The following PRKG1 variants were observed in gnomAD, a reference collection of about 807,000 sequenced individuals.
PRKG1 encodes the protein protein kinase cGMP-dependent 1, also known as cGMP-dependent protein kinase 1.
PRKG1 carries 35 observed loss-of-function variants against 88.1 expected under a neutral mutation model. The observed-to-expected ratio is 0.40, with a 90% CI of 0.30 to 0.53. The LOEUF is 0.53. Among genes scored for constraint, PRKG1 ranks in the 20% least tolerant of loss-of-function variants. The pLI is 0.59. For synonymous variants in PRKG1, 303 were observed against 292.5 expected (o/e 1.04, Z -0.37); for missense variants, 540 against 839.8 (o/e 0.64, Z 4.41).
intron 3 of PRKG1, among the ~76,000 whole-genome samples, chr10:51,471,671 G>A (rs905002829): frequency 6.6e-6 from 1 of 151,882 alleles, no homozygotes; most frequent in Non-Finnish European, 1.5e-5. Flanking sequence ...AGTGACACAT[G>A]TTGAACTCAG....
At chr10:51,763,118 T>C (rs1589266677) in intron 3 of PRKG1, among the ~76,000 whole-genome samples, 1 of 152,340 alleles carries the variant, frequency 6.6e-6, no homozygotes, top group East Asian at 1.9e-4. Flanking sequence ...TGTAAGTCAA[T>C]CAAAATTGAC....
intron 2 of PRKG1, among the ~76,000 whole-genome samples, chr10:51,174,357 T>G (rs887346661): frequency 4.6e-5 from 7 of 151,750 alleles, no homozygotes; most frequent in South Asian, 4.1e-4. Flanking sequence ...GTAAACATTT[T>G]ATAAATAAAT....
intron 2 of PRKG1, among the ~76,000 whole-genome samples, chr10:51,292,681 A>G (rs1840614477): frequency 6.6e-6 from 1 of 152,132 alleles, no homozygotes; most frequent in Non-Finnish European, 1.5e-5. Context: ...GCAAACACAT[A>G]TAGACATTTT....
In PRKG1 at chr10:51,058,236, C is replaced by T. The variant is rs184530973; in HGVS notation, c.266+66592C>T. ...AGTTTTAGGAATTCAAGATAGCATC[C>T]GACTTAACCTTTTTGCTAATTAAAT... On this transcript the variant is annotated intron_variant, in intron 1 of 17. Transcript: ENST00000401604. 1.6e-3 allele frequency among the ~76,000 whole-genome samples: 246 copies of T among 152,060 alleles called. 1 individual carries two copies. The highest frequency in any genetic ancestry group is 6.8e-3 in the Middle Eastern group (2 of 294).
chr10:51,114,947 T>G lies in PRKG1; in HGVS notation c.312-38217T>G, dbSNP rs78947597. ...CTAAAACTTATTTGAATATTTGTTTTGGCTTATCCAATGAGTATTTATGTG... is the reference window on the plus strand; with the variant it reads ...CTAAAACTTATTTGAATATTTGTTTGGGCTTATCCAATGAGTATTTATGTG... On this transcript the variant is annotated intron_variant, in intron 1 of 17. Coordinates refer to ENST00000373980, the MANE Select transcript of PRKG1 (RefSeq NM_006258.4). 1.1e-3 allele frequency among the ~76,000 whole-genome samples: 170 copies of G among 152,316 alleles called. 1 individual carries two copies. The highest frequency in any genetic ancestry group is 4.0e-3 in the African/African-American group (166 of 41,574).
At position 52,042,082 on chromosome 10, in the gene PRKG1, A is replaced by G. The variant is rs539265658; in HGVS notation, c.763-12402A>G. Among the ~76,000 whole-genome samples, 15 of 152,286 alleles carry G rather than the reference A, an allele frequency of 9.8e-5. No individual in the cohort carries two copies. The South Asian group carries it at 3.1e-3, about 32-fold the overall frequency. On this transcript the variant is annotated intron_variant, in intron 5 of 17. Coordinates refer to ENST00000373980, the MANE Select transcript of PRKG1 (RefSeq NM_006258.4). ...AAAGAGAACAGAAGTAAACAGAAGGATATTCTGTGTTCATGGATTAGAAAA... is the reference window on the plus strand; with the variant it reads ...AAAGAGAACAGAAGTAAACAGAAGGGTATTCTGTGTTCATGGATTAGAAAA...
At chr10:51,096,620 T>C (rs889503387) in intron 1 of PRKG1, among the ~76,000 whole-genome samples, 1 of 152,160 alleles carries the variant, frequency 6.6e-6, no homozygotes, top group African/African-American at 2.4e-5. Context: ...GGCCTGCCAA[T>C]TTAATGCTGT....
At chr10:51,248,329 G>T (rs1839344885) in intron 2 of PRKG1, among the ~76,000 whole-genome samples, 1 of 151,778 alleles carries the variant, frequency 6.6e-6, no homozygotes, top group African/African-American at 2.4e-5. Context: ...TCTAGGTCTT[G>T]TTTCAAGTGC....
At chr10:52,129,756 A>T (rs1205364037) in intron 7 of PRKG1, among the ~76,000 whole-genome samples, 1 of 152,204 alleles carries the variant, frequency 6.6e-6, no homozygotes, top group Non-Finnish European at 1.5e-5. Flanking sequence ...TGACCCTTTC[A>T]TATTAGTTTT....
chr10:51,126,267 T>A (rs190864472), intron 1 of PRKG1, among the ~76,000 whole-genome samples: 178 of 17,904 alleles, frequency 9.9e-3, no homozygotes, highest in Non-Finnish European at 0.018. Flanking sequence ...ATATATTTAT[T>A]TATAATTATT....
intron 5 of PRKG1, among the ~76,000 whole-genome samples, chr10:51,957,252 TCA>T (rs1843335263): frequency 2.5e-5 from 3 of 121,062 alleles, no homozygotes; most frequent in Non-Finnish European, 3.3e-5. Context: ...CTCTTTTCTT[TCA>T]TACATAGCTT....
chr10:51,393,350 G>T (rs996175178), intron 2 of PRKG1, among the ~76,000 whole-genome samples: 1 of 150,452 alleles, frequency 6.6e-6, no homozygotes, highest in Non-Finnish European at 1.5e-5. Flanking sequence ...GATGGCGGCC[G>T]GGCAGAGATG....
chr10:51,445,865 A>G (rs1588965654), intron 2 of PRKG1, among the ~76,000 whole-genome samples: 1 of 152,028 alleles, frequency 6.6e-6, no homozygotes, highest in Admixed American at 6.6e-5. Context: ...CTCACTTAAA[A>G]AAAAAAACTG....
intron 9 of PRKG1, among the ~76,000 whole-genome samples, chr10:52,210,048 T>C (rs1839926561): frequency 1.3e-5 from 2 of 152,194 alleles, no homozygotes; most frequent in Admixed American, 1.3e-4. Flanking sequence ...CAATTATCCA[T>C]GCTTCTGATT....
At chr10:51,078,590 A>ATATT (rs35676352) in intron 1 of PRKG1, among the ~76,000 whole-genome samples, 15,310 of 137,180 alleles carry the variant, frequency 0.11, 914 homozygotes, top group Non-Finnish European at 0.13. Context: ...ATATTTATTT[A>ATATT]TATTTATTTA....
At chr10:51,284,715 C>T (rs1840388344) in intron 2 of PRKG1, among the ~76,000 whole-genome samples, 1 of 152,100 alleles carries the variant, frequency 6.6e-6, no homozygotes, top group Non-Finnish European at 1.5e-5. Flanking sequence ...CTTACTTAAA[C>T]TGCAGGCTTA....
At chr10:51,007,237 G>A (rs886097747) in intron 1 of PRKG1, among the ~76,000 whole-genome samples, 13 of 152,102 alleles carry the variant, frequency 8.5e-5, no homozygotes, top group South Asian at 2.1e-4. Flanking sequence ...GAGCCACTGC[G>A]TCCGGCTGGG....
At chr10:52,074,943 A>C (rs1245609397) in intron 7 of PRKG1, among the ~76,000 whole-genome samples, 1 of 152,222 alleles carries the variant, frequency 6.6e-6, no homozygotes, top group Non-Finnish European at 1.5e-5. Context: ...AATGAAATGG[A>C]AATGAGAAGT....
At chr10:51,858,400 ATATATATAAAATATATATAT>A (rs1294581363) in intron 4 of PRKG1, among the ~76,000 whole-genome samples, 18 of 14,358 alleles carry the variant, frequency 1.3e-3, no homozygotes, top group Non-Finnish European at 4.3e-3. Context: ...AATATATATA[ATATATATAAAATATATATAT>A]AATATATATA....
Sources: allele counts gnomAD v4.1 joint callset (sites outside exome capture counted in the v4.1 genomes callset), GRCh38; gene constraint gnomAD v4.1.1; transcripts MANE v1.5; gene names NCBI Gene and HGNC (gene_info 2026-07-23, HGNC 2026-07-21).